The following SLC7A1 variants were observed in gnomAD, a reference collection of about 807,000 sequenced individuals.
The protein encoded by SLC7A1 is high affinity cationic amino acid transporter 1.
Under a neutral mutation model 53.9 loss-of-function variants are expected in SLC7A1, and 10 were observed. The ratio of observed to expected loss-of-function variants is 0.19; its 90% CI spans 0.11 to 0.31. SLC7A1 has a LOEUF of 0.31. SLC7A1 is among the 10% of genes least tolerant of loss of function. The probability of loss-of-function intolerance (pLI) is 1.00; values close to 1 mark genes in which losing one functional copy is unlikely to be tolerated. For missense variants in SLC7A1, 525 were observed against 827.2 expected (o/e 0.63, Z 4.48); for synonymous variants, 342 against 338.7 (o/e 1.01, Z -0.11).
intron 2 of SLC7A1, among the ~76,000 whole-genome samples, 170 bp from the exon 3 acceptor site, chr13:29,536,372 T>C (rs1869421085): frequency 6.6e-6 from 1 of 152,216 alleles, no homozygotes; most frequent in African/African-American, 2.4e-5. Flanking sequence ...CACGCAGACT[T>C]CTCCAGTTTC....
chr13:29,549,101 G>A (rs968156994), intron 2 of SLC7A1, among the ~76,000 whole-genome samples: 2 of 152,178 alleles, frequency 1.3e-5, no homozygotes, highest in Non-Finnish European at 2.9e-5. Flanking sequence ...TTCTAATGAG[G>A]AGGCCTCCTC....
At chr13:29,535,679 T>C (rs1392429814) in intron 3 of SLC7A1, 140 bp downstream of exon 3, 2 of 806,978 alleles carry the variant, frequency 2.5e-6, no homozygotes, top group Non-Finnish European at 3.8e-6. Flanking sequence ...TACCTCTAAA[T>C]GAATCAGAAA....
At chr13:29,555,832 T>C (rs1870416944) in intron 1 of SLC7A1, among the ~76,000 whole-genome samples, 1 of 151,890 alleles carries the variant, frequency 6.6e-6, no homozygotes, top group Non-Finnish European at 1.5e-5. Context: ...ACACTGGGGG[T>C]GATGTTAACA....
chr13:29,589,138 T>C (rs764924978), intron 1 of SLC7A1, among the ~76,000 whole-genome samples: 11 of 152,164 alleles, frequency 7.2e-5, no homozygotes, highest in Non-Finnish European at 1.2e-4. Context: ...GTGTTAAAGA[T>C]GCATCCTCTA....
intron 1 of SLC7A1, among the ~76,000 whole-genome samples, chr13:29,554,790 C>A (rs1870357314): frequency 6.6e-6 from 1 of 152,234 alleles, no homozygotes; most frequent in Non-Finnish European, 1.5e-5. Flanking sequence ...CAATTGGAAT[C>A]TTATTCTATT....
intron 1 of SLC7A1, among the ~76,000 whole-genome samples, chr13:29,571,600 G>A (rs1477388554): frequency 6.6e-6 from 1 of 152,190 alleles, no homozygotes; most frequent in Admixed American, 6.5e-5. Context: ...TGGCTTTTGG[G>A]CCAAATTTGG....
Position 29,523,328 on chromosome 13 carries a change from G to A in SLC7A1, c.987C>T (p.His329=), listed in dbSNP as rs36015789. Reference sequence around the variant, plus strand: ...CGTACTTGGCACCTTCCCAGCCCACGTGCTTAAAGGCGTCGGGCAGGGGGC... The same window carrying A: ...CGTACTTGGCACCTTCCCAGCCCACATGCTTAAAGGCGTCGGGCAGGGGGC... The part of the protein sequence containing the change: ...NNSPLPDAFK[H]VGWEGAKYAV... The change falls in exon 7 of 13, where the codon CAC becomes CAT. Residue 329 remains histidine, a synonymous_variant. Coordinates refer to ENST00000380752, the MANE Select transcript of SLC7A1 (RefSeq NM_003045.5). The A allele has an allele frequency of 3.5e-4, 557 of 1,613,786 alleles. No individual in the cohort carries two copies. The African/African-American group carries it at 5.9e-3, about 17-fold the overall frequency.
intron 8 of SLC7A1, among the ~76,000 whole-genome samples, chr13:29,520,554 GC>G (rs1868591540): frequency 6.6e-6 from 1 of 152,232 alleles, no homozygotes; most frequent in East Asian, 1.9e-4. Flanking sequence ...TCTTTTGTGA[GC>G]GTTGTGAGAG....
intron 1 of SLC7A1, among the ~76,000 whole-genome samples, chr13:29,567,604 A>G (rs192179442): frequency 1.6e-3 from 242 of 152,310 alleles, no homozygotes; most frequent in Middle Eastern, 0.01. Flanking sequence ...CTGACAGGTA[A>G]GCTCCTGCCA....
intron 1 of SLC7A1, among the ~76,000 whole-genome samples, chr13:29,590,381 C>T (rs1012025109): frequency 6.6e-6 from 1 of 152,152 alleles, no homozygotes; most frequent in Non-Finnish European, 1.5e-5. Context: ...CACACACATA[C>T]ATATACACAT....
At chr13:29,562,890 A>C (rs1305495365) in intron 1 of SLC7A1, among the ~76,000 whole-genome samples, 3 of 152,202 alleles carry the variant, frequency 2.0e-5, no homozygotes, top group Non-Finnish European at 4.4e-5. Context: ...CAATAATTAA[A>C]ATTACTCCAG....
intron 2 of SLC7A1, among the ~76,000 whole-genome samples, chr13:29,552,807 G>A (rs1234353512): frequency 6.6e-6 from 1 of 151,960 alleles, no homozygotes; most frequent in Non-Finnish European, 1.5e-5. Flanking sequence ...CAGCTCTGAA[G>A]GCCGTCAGCC....
At chr13:29,592,009 T>C (rs1028139569) in intron 1 of SLC7A1, among the ~76,000 whole-genome samples, 10 of 152,294 alleles carry the variant, frequency 6.6e-5, no homozygotes, top group Non-Finnish European at 1.5e-4. Context: ...GCTCTCCCAA[T>C]ATACAGATGG....
chr13:29,553,014 C>T (rs540937042), intron 2 of SLC7A1, among the ~76,000 whole-genome samples: 8 of 152,326 alleles, frequency 5.3e-5, no homozygotes, highest in Non-Finnish European at 5.9e-5. Context: ...CACTGGCCAG[C>T]CTTGACCGCC....
rs189076110 is a variant in SLC7A1 at position 29,567,408 on chromosome 13, G to A, written c.-114-13548C>T. Reference sequence around the variant, plus strand: ...TCAGGCAGTCAAAATGGAACAGTCTGTTAGCCCAGCCCAGTATTTCCTAAG... The same window carrying A: ...TCAGGCAGTCAAAATGGAACAGTCTATTAGCCCAGCCCAGTATTTCCTAAG... On this transcript the variant is annotated intron_variant, in intron 1 of 12. Transcript: ENST00000380752. Among the ~76,000 whole-genome samples, 4 of 152,300 alleles carry A rather than the reference G, an allele frequency of 2.6e-5. No individual in the cohort carries two copies. The East Asian group carries it at 7.7e-4, about 29-fold the overall frequency.
intron 3 of SLC7A1, among the ~76,000 whole-genome samples, chr13:29,534,837 G>A (rs191716310): frequency 9.0e-4 from 137 of 152,318 alleles, no homozygotes; most frequent in Non-Finnish European, 1.3e-3. Flanking sequence ...TTGAGTGGCC[G>A]TTTGTACCCT....
chr13:29,522,479 C>T lies in SLC7A1; in HGVS notation c.1050-23G>A, dbSNP rs772574570. The T allele has an allele frequency of 2.7e-5, 44 of 1,613,722 alleles. 1 individual carries two copies. The highest frequency in any genetic ancestry group is 1.8e-4 in the East Asian group (8 of 44,888). ...AGACTAGATGGGGAGAGGCAAACCG[C>T]GTGAGTGAACCTGGCTCATAAGGGA... On this transcript the variant is annotated intron_variant, in intron 7 of 12. Transcript: ENST00000380752.
chr13:29,532,534 A>G (rs900137887), intron 4 of SLC7A1, among the ~76,000 whole-genome samples: 1 of 152,236 alleles, frequency 6.6e-6, no homozygotes, highest in East Asian at 1.9e-4. Context: ...AAAAGCCTGC[A>G]GTGCAGACAA....
chr13:29,575,277 G>A (rs921131952), intron 1 of SLC7A1, among the ~76,000 whole-genome samples: 72 of 152,212 alleles, frequency 4.7e-4, no homozygotes, highest in African/African-American at 1.7e-3. Flanking sequence ...TATTCTACCC[G>A]GTGCCAATTT....
Sources: gnomAD v4.1 joint callset for allele counts (sites outside exome capture counted in the v4.1 genomes callset) on GRCh38, gnomAD v4.1.1 for gene constraint, MANE v1.5 for transcripts, NCBI Gene and HGNC (gene_info 2026-07-23, HGNC 2026-07-21) for gene names.